SBF2: variants seen among roughly 807,000 people sequenced by gnomAD.
SBF2 encodes the protein SET binding factor 2, also known as myotubularin-related protein 13.
In SBF2, 112 loss-of-function variants were observed where a neutral mutation model predicts 225.2. That is an observed-to-expected ratio of 0.50 (90% CI 0.43 to 0.58). The LOEUF (loss-of-function observed/expected upper bound fraction) is 0.58, where lower values mean the gene tolerates loss of function less well. Among genes scored for constraint, SBF2 ranks in the 20% least tolerant of loss-of-function variants. The pLI, the probability that SBF2 is intolerant of heterozygous loss-of-function variation, is 0.00. For missense variants in SBF2, 1,996 were observed against 2,206.2 expected (o/e 0.90, Z 1.91); for synonymous variants, 763 against 773.3 (o/e 0.99, Z 0.22).
chr11:10,046,960 T>C (rs1949889474), intron 2 of SBF2, among the ~76,000 whole-genome samples: 1 of 148,316 alleles, frequency 6.7e-6, no homozygotes, highest in Admixed American at 6.7e-5. Flanking sequence ...TATACAAAAA[T>C]CAACCACTTT....
upstream of SBF2, among the ~76,000 whole-genome samples, chr11:10,296,355 A>G (rs191736440): frequency 6.6e-6 from 1 of 152,330 alleles, no homozygotes; most frequent in Non-Finnish European, 1.5e-5. Flanking sequence ...GAAGAGGTTT[A>G]ATTGACTCAC....
At position 10,194,137 on chromosome 11, in the gene SBF2, C is replaced by T; in HGVS notation, c.56-150G>A. The T allele has an allele frequency of 1.0e-5, 7 of 689,488 alleles. No homozygotes were observed. In the South Asian group the frequency reaches 1.2e-4, roughly 12 times the overall value. 42.7% of individuals were successfully genotyped at this position (689,488 alleles called of 1,614,324 possible). On this transcript the variant is annotated intron_variant, in intron 1 of 39. Transcript: ENST00000256190. ...AAGTTTTAAAAAACATGTGAGTATG[C>T]ATCATCTAAACATTATGCAGTAGGA...
chr11:10,117,156 T>G (rs1226196967), intron 2 of SBF2, among the ~76,000 whole-genome samples: 19 of 152,046 alleles, frequency 1.2e-4, no homozygotes, highest in Admixed American at 1.2e-3. Context: ...AAGATATGTA[T>G]CAGGCCGGGC....
intron 14 of SBF2, 25 bp downstream of exon 14, chr11:9,968,316 T>C: frequency 6.2e-7 from 1 of 1,607,798 alleles, no homozygotes; most frequent in Non-Finnish European, 8.5e-7. Flanking sequence ...CAGTTTACTT[T>C]TAAAACAGAC....
intron 16 of SBF2, chr11:9,957,661 A>G (rs1866266938): frequency 6.6e-6 from 1 of 151,900 alleles, no homozygotes; most frequent in African/African-American, 2.4e-5. Context: ...GGGTTTCGCC[A>G]TGTTGGCCAG....
At chr11:9,928,622 A>G (rs1347340314) in intron 16 of SBF2, among the ~76,000 whole-genome samples, 7 of 152,360 alleles carry the variant, frequency 4.6e-5, no homozygotes, top group South Asian at 4.1e-4. Flanking sequence ...AAATGAATGC[A>G]TTATGTCCAT....
chr11:10,221,027 A>G (rs777205859), intron 1 of SBF2, among the ~76,000 whole-genome samples: 6 of 151,772 alleles, frequency 4.0e-5, no homozygotes, highest in African/African-American at 7.3e-5. Context: ...TGTGTTCTTC[A>G]TAGTATCCTG....
At chr11:10,046,209 G>A (rs1949855540) in intron 2 of SBF2, among the ~76,000 whole-genome samples, 1 of 152,126 alleles carries the variant, frequency 6.6e-6, no homozygotes, top group Non-Finnish European at 1.5e-5. Flanking sequence ...GATTCCAAAG[G>A]ACAACTGTAT....
intron 2 of SBF2, among the ~76,000 whole-genome samples, chr11:10,177,873 C>T (rs1956539864): frequency 6.7e-6 from 1 of 149,536 alleles, no homozygotes; most frequent in Admixed American, 6.7e-5. Flanking sequence ...AAAAAAGAGC[C>T]TGCATTGCCA....
chr11:9,873,437 G>C (rs919586450), intron 17 of SBF2, among the ~76,000 whole-genome samples: 12 of 152,124 alleles, frequency 7.9e-5, no homozygotes, highest in African/African-American at 2.9e-4. Context: ...TCTAGCACAT[G>C]AAAGTAAGAA....
At chr11:9,913,862 G>A (rs1486173562) in intron 16 of SBF2, among the ~76,000 whole-genome samples, 1 of 152,138 alleles carries the variant, frequency 6.6e-6, no homozygotes, top group Non-Finnish European at 1.5e-5. Flanking sequence ...CCTTTTGGTT[G>A]TTGTTGTTGC....
At chr11:9,891,415 T>C (rs1013231570) in intron 17 of SBF2, among the ~76,000 whole-genome samples, 2 of 152,242 alleles carry the variant, frequency 1.3e-5, no homozygotes, top group African/African-American at 4.8e-5. Context: ...CCCAATGTTA[T>C]TATTCATCAA....
intron 1 of SBF2, among the ~76,000 whole-genome samples, chr11:10,289,133 C>T (rs1963994639): frequency 6.6e-6 from 1 of 152,368 alleles, no homozygotes; most frequent in South Asian, 2.1e-4. Flanking sequence ...TGTGTACACA[C>T]CCGGGGGCGC....
At chr11:9,780,657 CA>C in intron 39 of SBF2, 141 bp from the exon 40 acceptor site, 1 of 723,626 alleles carries the variant, frequency 1.4e-6, no homozygotes, top group Admixed American at 2.0e-5. Flanking sequence ...CCTCAACTAC[CA>C]TACTGTTATT....
intron 28 of SBF2, chr11:9,828,032 ATAAT>A: frequency 1.5e-6 from 1 of 668,860 alleles, no homozygotes; most frequent in Admixed American, 3.3e-5. Context: ...AATTTGAATC[ATAAT>A]TAATTGATTT....
chr11:9,829,160 G>A (rs973874421), intron 28 of SBF2, among the ~76,000 whole-genome samples, 196 bp downstream of exon 28: 35 of 152,136 alleles, frequency 2.3e-4, no homozygotes, highest in African/African-American at 8.2e-4. Context: ...TCTAAGTTAA[G>A]TTACTATTTA....
At chr11:10,226,551 T>C (rs1397050077) in intron 1 of SBF2, among the ~76,000 whole-genome samples, 2 of 149,442 alleles carry the variant, frequency 1.3e-5, no homozygotes, top group Non-Finnish European at 3.0e-5. Flanking sequence ...CATTGTTCAA[T>C]TCCCACCTAT....
chr11:10,018,857 T>G lies in SBF2; in HGVS notation c.619+9595A>C, dbSNP rs539705817. Among the ~76,000 whole-genome samples the G allele has an allele frequency of 3.9e-5, 6 of 152,288 alleles. No individual in the cohort carries two copies. In the East Asian group the frequency reaches 1.2e-3, roughly 29 times the overall value. On this transcript the variant is annotated intron_variant, in intron 6 of 39. Transcript: ENST00000256190. ...AAAAGCAATCAGTTTCTTAATAACA[T>G]TCTGACTATTTCCTAAAACCCTGTT...
intron 13 of SBF2, among the ~76,000 whole-genome samples, chr11:9,977,758 C>T (rs1185466281): frequency 6.6e-6 from 1 of 152,132 alleles, no homozygotes; most frequent in African/African-American, 2.4e-5. Context: ...CCCATTCCCC[C>T]AAAGTCACCA....
Sources: allele counts gnomAD v4.1 joint callset (sites outside exome capture counted in the v4.1 genomes callset), GRCh38; gene constraint gnomAD v4.1.1; transcripts MANE v1.5; gene names NCBI Gene and HGNC (gene_info 2026-07-23, HGNC 2026-07-21).